The following WASHC3 variants were observed in gnomAD, a reference collection of about 807,000 sequenced individuals.
WASHC3 encodes the protein WASH complex subunit 3.
Under a neutral mutation model 26.1 loss-of-function variants are expected in WASHC3, and 24 were observed. That is an observed-to-expected ratio of 0.92 (90% CI 0.66 to 1.29). The LOEUF is 1.29. Among genes scored for constraint, WASHC3 ranks in the 50% most tolerant of loss-of-function variants. WASHC3 has a pLI of 0.00. For synonymous variants in WASHC3, 77 were observed against 75.7 expected, an observed-to-expected ratio of 1.02 and a Z score of -0.09; for missense variants, 214 against 229.6, an observed-to-expected ratio of 0.93 and a Z score of 0.44.
chr12:102,061,975 C>G lies in WASHC3; in HGVS notation c.-13G>C. 6.3e-7 allele frequency: 1 copy of G among 1,589,490 alleles called. No homozygotes were observed. The highest frequency in any genetic ancestry group is 8.6e-7 in the Non-Finnish European group (1 of 1,166,624). ...CGTCCTCATCCATCTCCTCAGCGGG[C>G]GGTGGACCCCGAGTTCACCCACAAA... On this transcript the variant is annotated 5_prime_UTR_variant, in exon 1 of 7. Coordinates refer to ENST00000240079, the MANE Select transcript of WASHC3 (RefSeq NM_016053.4).
intron 2 of WASHC3, among the ~76,000 whole-genome samples, chr12:102,046,899 G>A (rs1189247170): frequency 2.0e-5 from 3 of 152,058 alleles, no homozygotes; most frequent in South Asian, 2.1e-4. Flanking sequence ...TATACAATTC[G>A]TCCCAGATTT....
intron 6 of WASHC3, among the ~76,000 whole-genome samples, chr12:102,025,627 C>G (rs528048520): frequency 6.6e-5 from 8 of 120,404 alleles, no homozygotes; most frequent in Non-Finnish European, 1.2e-4. Flanking sequence ...ACCAAAAAAG[C>G]ACAAACCAAC....
At chr12:102,052,086 A>G (rs1166634296) in intron 2 of WASHC3, among the ~76,000 whole-genome samples, 1 of 152,198 alleles carries the variant, frequency 6.6e-6, no homozygotes. Flanking sequence ...CATTTGAAAA[A>G]CTATTCACGC....
At chr12:102,018,063 T>C (rs546850019) in intron 6 of WASHC3, among the ~76,000 whole-genome samples, 21 of 152,338 alleles carry the variant, frequency 1.4e-4, no homozygotes, top group African/African-American at 5.1e-4. Flanking sequence ...CATAAAATAT[T>C]TGTCCTTCTG....
At chr12:102,037,584 G>A (rs1325953018) in intron 5 of WASHC3, among the ~76,000 whole-genome samples, 1 of 152,104 alleles carries the variant, frequency 6.6e-6, no homozygotes, top group African/African-American at 2.4e-5. Context: ...GGCTGCCAAT[G>A]TATTTATTCA....
intron 6 of WASHC3, among the ~76,000 whole-genome samples, chr12:102,016,891 T>C (rs1224794546): frequency 1.3e-5 from 2 of 152,348 alleles, no homozygotes; most frequent in African/African-American, 2.4e-5. Context: ...AAAGTTATAG[T>C]AAGCTAAGGT....
Position 102,028,806 on chromosome 12 carries a change from ATATCAC to A in WASHC3, c.436-2774_436-2769del, listed in dbSNP as rs202025909. On this transcript the variant is annotated intron_variant, in intron 5 of 6. Coordinates refer to ENST00000240079, the MANE Select transcript of WASHC3 (RefSeq NM_016053.4). ...TTATATAATAAGAATAATAAGAATT[ATATCAC>A]AATAAGAATTATAAGAATAATAAGA... 5.5e-3 allele frequency among the ~76,000 whole-genome samples: 833 copies of A among 150,480 alleles called. 21 individuals are homozygous for A. Among genetic ancestry groups the A allele is most frequent in the East Asian group, 8.2e-3 (42 of 5,152 alleles).
chr12:102,034,947 A>C (rs902038382), intron 5 of WASHC3, among the ~76,000 whole-genome samples: 1 of 152,138 alleles, frequency 6.6e-6, no homozygotes, highest in Non-Finnish European at 1.5e-5. Context: ...TCCCAGCAGA[A>C]AGAGGACAAT....
chr12:102,062,065 C>A, upstream of WASHC3: 1 of 943,874 alleles, frequency 1.1e-6, no homozygotes, highest in South Asian at 1.6e-5. Context: ...AAGTGCCCGC[C>A]TCCGGGGCCC....
At chr12:102,042,078 A>G (rs1244729039) in intron 4 of WASHC3, among the ~76,000 whole-genome samples, 1 of 152,152 alleles carries the variant, frequency 6.6e-6, no homozygotes, top group Admixed American at 6.5e-5. Context: ...TTACAGAAAT[A>G]TATGACAGCT....
At chr12:102,033,628 G>A (rs1268668760) in intron 5 of WASHC3, among the ~76,000 whole-genome samples, 3 of 151,858 alleles carry the variant, frequency 2.0e-5, no homozygotes, top group African/African-American at 7.3e-5. Flanking sequence ...TTGTGGCACT[G>A]TTAATTCCCT....
intron 5 of WASHC3, among the ~76,000 whole-genome samples, chr12:102,034,373 TCACTC>T (rs1480659249): frequency 6.6e-6 from 1 of 152,148 alleles, no homozygotes; most frequent in African/African-American, 2.4e-5. Context: ...TGATTGTTCT[TCACTC>T]CACTTCTCTG....
At chr12:102,032,342 AAGTCGG>A (rs1877471661) in intron 5 of WASHC3, among the ~76,000 whole-genome samples, 2 of 152,176 alleles carry the variant, frequency 1.3e-5, no homozygotes, top group Non-Finnish European at 2.9e-5. Context: ...CTTAATGTGG[AAGTCGG>A]ACTTGCCCAA....
intron 6 of WASHC3, among the ~76,000 whole-genome samples, chr12:102,015,290 C>CAA (rs138543592): frequency 7.0e-6 from 1 of 143,136 alleles, no homozygotes; most frequent in Admixed American, 6.9e-5. Context: ...AACCCTGTCT[C>CAA]AAAAAAAAAA....
chr12:102,022,568 T>C (rs1229965500), intron 6 of WASHC3, among the ~76,000 whole-genome samples: 1 of 152,150 alleles, frequency 6.6e-6, no homozygotes, highest in Admixed American at 6.6e-5. Context: ...GTAATACAAG[T>C]AGGTAGACCA....
At chr12:102,061,822 G>T (rs960572231) in intron 1 of WASHC3, 90 bp downstream of exon 1, 9 of 1,139,594 alleles carry the variant, frequency 7.9e-6, no homozygotes, top group Non-Finnish European at 1.1e-5. Context: ...GACAGGGTGG[G>T]GACTCGGAAG....
intron 5 of WASHC3, among the ~76,000 whole-genome samples, chr12:102,032,027 C>T (rs753484721): frequency 2.6e-5 from 4 of 152,138 alleles, no homozygotes; most frequent in African/African-American, 4.8e-5. Context: ...ATAACTGTAT[C>T]TTGTTTGTCA....
chr12:102,050,534 T>C (rs1481887486), intron 2 of WASHC3: 1 of 450,624 alleles, frequency 2.2e-6, no homozygotes, highest in Admixed American at 2.4e-5. Flanking sequence ...TCCAAGCTTC[T>C]AGGGAGGCTG....
At chr12:102,044,630 A>G (rs911576792) in intron 3 of WASHC3, among the ~76,000 whole-genome samples, 19 of 151,972 alleles carry the variant, frequency 1.3e-4, no homozygotes, top group Non-Finnish European at 2.2e-4. Context: ...TAATACTTCG[A>G]AAAAAAAGGG....
Sources: allele counts gnomAD v4.1 joint callset (sites outside exome capture counted in the v4.1 genomes callset), GRCh38; gene constraint gnomAD v4.1.1; transcripts MANE v1.5; gene names NCBI Gene and HGNC (gene_info 2026-07-23, HGNC 2026-07-21).